KLHL29: variants seen among roughly 807,000 people sequenced by gnomAD.
The protein encoded by KLHL29 is kelch like family member 29, also known as kelch-like protein 29.
In KLHL29, 21 loss-of-function variants were observed where a neutral mutation model predicts 80.4. The ratio of observed to expected loss-of-function variants is 0.26; its 90% confidence interval spans 0.19 to 0.38. The LOEUF is 0.38. KLHL29 is among the 10% of genes least tolerant of loss of function. The pLI, the probability that KLHL29 is intolerant of heterozygous loss-of-function variation, is 1.00. For missense variants in KLHL29, 867 were observed against 1,223.9 expected (o/e 0.71, Z 4.35); for synonymous variants, 511 against 526.8 (o/e 0.97, Z 0.41).
At chr2:23,395,932 A>G (rs973009507) in intron 1 of KLHL29, among the ~76,000 whole-genome samples, 4 of 152,054 alleles carry the variant, frequency 2.6e-5, no homozygotes, top group African/African-American at 4.8e-5. Flanking sequence ...GTAGGACCAC[A>G]TTTTCGTTCC....
At chr2:23,608,440 C>T (rs1668781096) in intron 3 of KLHL29, among the ~76,000 whole-genome samples, 1 of 62,148 alleles carries the variant, frequency 1.6e-5, no homozygotes, top group South Asian at 6.3e-4. Context: ...GAGGTAGGGC[C>T]CAGTCTTTTT....
At chr2:23,579,516 G>A (rs567216806) in intron 3 of KLHL29, among the ~76,000 whole-genome samples, 46 of 151,894 alleles carry the variant, frequency 3.0e-4, no homozygotes, top group African/African-American at 1.1e-3. Context: ...TCCCTCCCTC[G>A]CCATCCTCAT....
chr2:23,539,634 G>A (rs1666778429), intron 2 of KLHL29, among the ~76,000 whole-genome samples: 1 of 151,654 alleles, frequency 6.6e-6, no homozygotes, highest in East Asian at 1.9e-4. Flanking sequence ...AAGAGATGGG[G>A]TCTCACTATG....
intron 2 of KLHL29, among the ~76,000 whole-genome samples, chr2:23,508,126 C>T (rs1572364877): frequency 1.3e-5 from 2 of 152,206 alleles, no homozygotes; most frequent in East Asian, 3.9e-4. Flanking sequence ...AAGGAAGTGG[C>T]CAGTGGCAGG....
rs531682483 is a variant in KLHL29, at chr2:23,578,242, CA to C, written c.285+15762del. The stretch of plus-strand genomic sequence containing the variant: ...TAATCCTAGCTGGGGTACCATTGCA[CA>C]CCAGCAACATAAGTACTTAACACAC... On this transcript the variant is annotated intron_variant, in intron 3 of 13. Transcript: ENST00000486442. Among the ~76,000 whole-genome samples, 60 of 152,312 alleles carry C rather than the reference CA, an allele frequency of 3.9e-4. No individual in the cohort carries two copies. In the South Asian group the frequency reaches 0.012, roughly 30 times the overall value.
intron 1 of KLHL29, among the ~76,000 whole-genome samples, chr2:23,388,851 T>C (rs1428062662): frequency 6.6e-6 from 1 of 152,070 alleles, no homozygotes; most frequent in Non-Finnish European, 1.5e-5. Context: ...GGTTTTTTTT[T>C]TCTTTCTTTC....
intron 3 of KLHL29, among the ~76,000 whole-genome samples, chr2:23,636,900 C>A (rs1414463035): frequency 6.6e-6 from 1 of 152,152 alleles, no homozygotes; most frequent in Non-Finnish European, 1.5e-5. Context: ...GAGGCAGGGG[C>A]TGCTCCAGGG....
intron 11 of KLHL29, among the ~76,000 whole-genome samples, chr2:23,701,511 G>A (rs1191681221): frequency 4.6e-5 from 7 of 152,098 alleles, no homozygotes; most frequent in South Asian, 2.1e-4. Context: ...TCAGGAGTTC[G>A]AGACCAGCCT....
chr2:23,703,641 G>T, intron 12 of KLHL29, 78 bp from the exon 13 acceptor site: 1 of 1,444,426 alleles, frequency 6.9e-7, no homozygotes, highest in South Asian at 1.4e-5. Context: ...TCCTTCCCTG[G>T]AGGGTCTTCT....
chr2:23,528,992 G>A (rs1666413037), intron 2 of KLHL29, among the ~76,000 whole-genome samples: 2 of 152,200 alleles, frequency 1.3e-5, no homozygotes, highest in South Asian at 4.1e-4. Context: ...GATCCTCATG[G>A]CCCCCAGCCC....
Position 23,647,732 on chromosome 2 carries a change from G to T in KLHL29, c.940+4882G>T, listed in dbSNP as rs1669978252. Among the ~76,000 whole-genome samples the T allele has an allele frequency of 6.6e-6, 1 of 152,004 alleles. No homozygotes were observed. Among genetic ancestry groups the T allele is most frequent in the Non-Finnish European group, 1.5e-5 (1 of 67,992 alleles). ...GGGGACAACGGCCAGCGCTGACTCG[G>T]TGCTTGCCACCACTTCATCCTTTGC... On this transcript the variant is annotated intron_variant, in intron 5 of 13. Coordinates refer to ENST00000486442, the MANE Select transcript of KLHL29 (RefSeq NM_052920.2). The surrounding 1 kb of genome is among the most constrained non-coding windows in gnomAD (Gnocchi z 4.9).
At chr2:23,444,652 G>T (rs79335098) in intron 1 of KLHL29, among the ~76,000 whole-genome samples, 17,857 of 152,140 alleles carry the variant, frequency 0.12, 1,394 homozygotes, top group Middle Eastern at 0.18. Flanking sequence ...ATTCCTGTGC[G>T]TTAACATGTT....
Position 23,638,796 on chromosome 2 carries a change from C to T in KLHL29, c.286-343C>T, listed in dbSNP as rs150388041. Reference sequence around the variant, plus strand: ...GTGTGGTTGTGGTTTGTGGATGGTCCGAGGGCCAGAGAACCCATCTCATAT... The same window carrying T: ...GTGTGGTTGTGGTTTGTGGATGGTCTGAGGGCCAGAGAACCCATCTCATAT... On this transcript the variant is annotated intron_variant, in intron 3 of 13. Transcript: ENST00000486442. 3.9e-3 allele frequency among the ~76,000 whole-genome samples: 595 copies of T among 152,256 alleles called. 2 individuals carry two copies. Among genetic ancestry groups the T allele is most frequent in the African/African-American group, 0.013 (557 of 41,536 alleles).
chr2:23,550,755 C>T (rs986563362), intron 2 of KLHL29, among the ~76,000 whole-genome samples: 1 of 152,228 alleles, frequency 6.6e-6, no homozygotes, highest in African/African-American at 2.4e-5. Context: ...TTCTTCTTTG[C>T]AACTCTTGCC....
At chr2:23,585,528 A>G (rs972949896) in intron 3 of KLHL29, among the ~76,000 whole-genome samples, 1 of 152,158 alleles carries the variant, frequency 6.6e-6, no homozygotes, top group African/African-American at 2.4e-5. Context: ...GGAGGCTCAG[A>G]TGATGAGTTC....
chr2:23,458,926 T>G (rs1274588912), intron 1 of KLHL29, among the ~76,000 whole-genome samples: 1 of 152,132 alleles, frequency 6.6e-6, no homozygotes, highest in Non-Finnish European at 1.5e-5. Context: ...CAGGATCGGA[T>G]TTGCACTTTG....
At chr2:23,604,077 T>C (rs1668642520) in intron 3 of KLHL29, among the ~76,000 whole-genome samples, 1 of 152,234 alleles carries the variant, frequency 6.6e-6, no homozygotes, top group African/African-American at 2.4e-5. Flanking sequence ...CGTGTTGCTA[T>C]CCAGTGTGAA....
At chr2:23,464,641 C>T (rs1452532162) in intron 1 of KLHL29, among the ~76,000 whole-genome samples, 1 of 152,232 alleles carries the variant, frequency 6.6e-6, no homozygotes, top group Admixed American at 6.5e-5. Flanking sequence ...GGCCTCCCCA[C>T]TTTCCCCTTC....
At chr2:23,426,568 G>A (rs576116706) in intron 1 of KLHL29, among the ~76,000 whole-genome samples, 10 of 152,316 alleles carry the variant, frequency 6.6e-5, no homozygotes, top group Admixed American at 2.6e-4. Flanking sequence ...CACCCTCCCC[G>A]CTGCTGCAAA....
Sources: allele counts gnomAD v4.1 joint callset (sites outside exome capture counted in the v4.1 genomes callset), GRCh38; gene constraint gnomAD v4.1.1; non-coding constraint Gnocchi (gnomAD v3.1); transcripts MANE v1.5; gene names NCBI Gene and HGNC (gene_info 2026-07-23, HGNC 2026-07-21).